Variants in PLCB1 observed in about 807,000 individuals in gnomAD.
PLCB1 encodes the protein 1-phosphatidylinositol 4,5-bisphosphate phosphodiesterase beta-1.
A neutral mutation model predicts 161.8 loss-of-function variants in PLCB1; 46 were observed. That is an observed-to-expected ratio of 0.28 (90% CI 0.22 to 0.36). The LOEUF (loss-of-function observed/expected upper bound fraction) is 0.36, where lower values mean the gene tolerates loss of function less well. Among genes scored for constraint, PLCB1 ranks in the 10% least tolerant of loss-of-function variants. The pLI is 1.00. For synonymous variants in PLCB1, 517 were observed against 503.7 expected, an observed-to-expected ratio of 1.03 and a Z score of -0.35; for missense variants, 1,016 against 1,472.5, an observed-to-expected ratio of 0.69 and a Z score of 5.07.
chr20:8,850,373 A>T (rs568365467), intron 31 of PLCB1, among the ~76,000 whole-genome samples: 1 of 152,316 alleles, frequency 6.6e-6, no homozygotes, highest in Admixed American at 6.5e-5. Context: ...GATGAAGAGG[A>T]ACATCCAGAG....
intron 2 of PLCB1, among the ~76,000 whole-genome samples, chr20:8,228,030 G>A (rs1051196753): frequency 1.3e-5 from 2 of 152,100 alleles, no homozygotes; most frequent in Admixed American, 6.6e-5. Flanking sequence ...CTTAAAAAGT[G>A]TGAAAAATAA....
chr20:8,809,905 C>T (rs1228142675), intron 31 of PLCB1, among the ~76,000 whole-genome samples: 1 of 152,126 alleles, frequency 6.6e-6, no homozygotes, highest in Non-Finnish European at 1.5e-5. Flanking sequence ...ATGTCTTCTA[C>T]CTAAAATTGC....
intron 2 of PLCB1, among the ~76,000 whole-genome samples, chr20:8,307,086 T>C (rs962462737): frequency 4.6e-5 from 7 of 152,210 alleles, no homozygotes; most frequent in Non-Finnish European, 2.9e-5. Context: ...AAACGGGACA[T>C]TTAGCTGGCA....
At chr20:8,347,920 C>G (rs1459845971) in intron 2 of PLCB1, among the ~76,000 whole-genome samples, 1 of 151,436 alleles carries the variant, frequency 6.6e-6, no homozygotes, top group Middle Eastern at 3.2e-3. Context: ...TGCAGTGAGC[C>G]GAGATCGTGC....
intron 2 of PLCB1, among the ~76,000 whole-genome samples, chr20:8,245,101 A>G (rs949924960): frequency 3.3e-5 from 5 of 152,040 alleles, no homozygotes; most frequent in Non-Finnish European, 1.5e-5. Context: ...AAATGTTTAT[A>G]TGTATATAAA....
chr20:8,422,777 G>A (rs1016126016), intron 3 of PLCB1, among the ~76,000 whole-genome samples: 33 of 152,266 alleles, frequency 2.2e-4, no homozygotes, highest in African/African-American at 7.5e-4. Context: ...ATGCCAGTCA[G>A]CGTTACCAGC....
intron 1 of PLCB1, among the ~76,000 whole-genome samples, chr20:8,147,596 C>T (rs963432796): frequency 1.3e-5 from 2 of 152,298 alleles, no homozygotes; most frequent in African/African-American, 4.8e-5. Context: ...TGAAAATAGA[C>T]ATTCATATAT....
chr20:8,358,970 C>G (rs1205136682), intron 2 of PLCB1, among the ~76,000 whole-genome samples: 1 of 152,150 alleles, frequency 6.6e-6, no homozygotes, highest in Admixed American at 6.5e-5. Flanking sequence ...TCATGAAGGT[C>G]AAGTCAAGGA....
At chr20:8,303,484 A>C (rs1308067285) in intron 2 of PLCB1, among the ~76,000 whole-genome samples, 1 of 152,220 alleles carries the variant, frequency 6.6e-6, no homozygotes, top group Non-Finnish European at 1.5e-5. Flanking sequence ...CATTAACTGG[A>C]ATACTGCGTT....
At chr20:8,215,885 G>A (rs2123153389) in intron 2 of PLCB1, among the ~76,000 whole-genome samples, 1 of 152,020 alleles carries the variant, frequency 6.6e-6, no homozygotes, top group South Asian at 2.1e-4. Flanking sequence ...ATTCACAGCA[G>A]GGAGCAGTAC....
At chr20:8,831,951 T>TG (rs1210355368) in intron 31 of PLCB1, among the ~76,000 whole-genome samples, 2 of 105,678 alleles carry the variant, frequency 1.9e-5, no homozygotes, top group African/African-American at 7.2e-5. Flanking sequence ...TCTTTCTTTC[T>TG]TTCTTTCTTT....
At chr20:8,336,056 G>GA (rs779285735) in intron 2 of PLCB1, among the ~76,000 whole-genome samples, 12 of 152,270 alleles carry the variant, frequency 7.9e-5, no homozygotes, top group Non-Finnish European at 1.5e-4. Context: ...TTAGCCTGGA[G>GA]AAAAGTAGTC....
intron 3 of PLCB1, among the ~76,000 whole-genome samples, chr20:8,575,744 G>C (rs1424349240): frequency 6.6e-6 from 1 of 152,216 alleles, no homozygotes; most frequent in Non-Finnish European, 1.5e-5. Context: ...CTTGCAATCT[G>C]AAATAATCTT....
At chr20:8,141,223 G>A (rs1427650995) in intron 1 of PLCB1, among the ~76,000 whole-genome samples, 2 of 152,170 alleles carry the variant, frequency 1.3e-5, no homozygotes, top group Non-Finnish European at 2.9e-5. Flanking sequence ...CTCAGTTTTT[G>A]AGCTATTGTC....
At chr20:8,780,931 T>C (rs1166284595) in intron 27 of PLCB1, among the ~76,000 whole-genome samples, 1 of 152,252 alleles carries the variant, frequency 6.6e-6, no homozygotes, top group Non-Finnish European at 1.5e-5. Context: ...AAAGCCTTTT[T>C]CTGTACAATA....
chr20:8,586,403 G>A (rs114020446), intron 3 of PLCB1, among the ~76,000 whole-genome samples: 2,323 of 151,190 alleles, frequency 0.015, 60 homozygotes, highest in African/African-American at 0.054. Flanking sequence ...TCACGTCACC[G>A]ACTCTAGCCT....
At chr20:8,564,741 C>T (rs910363022) in intron 3 of PLCB1, among the ~76,000 whole-genome samples, 7 of 152,136 alleles carry the variant, frequency 4.6e-5, no homozygotes, top group African/African-American at 1.7e-4. Context: ...AAAAAAAGCT[C>T]ATCATCACTG....
intron 31 of PLCB1, among the ~76,000 whole-genome samples, chr20:8,820,653 G>C (rs1600354399): frequency 6.6e-6 from 1 of 152,084 alleles, no homozygotes; most frequent in Non-Finnish European, 1.5e-5. Flanking sequence ...AGAAATTGTA[G>C]CATATGTGTA....
chr20:8,549,230 G>A (rs554602211), intron 3 of PLCB1, among the ~76,000 whole-genome samples: 1 of 152,066 alleles, frequency 6.6e-6, no homozygotes, highest in South Asian at 2.1e-4. Context: ...GCTTTGTCAG[G>A]TACTGTTACA....
Sources: gnomAD v4.1 joint callset for allele counts (sites outside exome capture counted in the v4.1 genomes callset) on GRCh38, gnomAD v4.1.1 for gene constraint, MANE v1.5 for transcripts, NCBI Gene and HGNC (gene_info 2026-07-23, HGNC 2026-07-21) for gene names.